Variants in ACCSL observed in about 807,000 individuals in gnomAD.
ACCSL encodes 1-aminocyclopropane-1-carboxylate synthase homolog (inactive) like.
In ACCSL, 55 loss-of-function variants were observed where a neutral mutation model predicts 61.7. The observed-to-expected ratio is 0.89, with a 90% confidence interval of 0.72 to 1.12. The LOEUF (loss-of-function observed/expected upper bound fraction) is 1.12. Among genes scored for constraint, ACCSL ranks in the 50% most tolerant of loss-of-function variants. ACCSL has a pLI of 0.00. For synonymous variants in ACCSL, 258 were observed against 264.3 expected, an observed-to-expected ratio of 0.98 and a Z score of 0.23; for missense variants, 632 against 698.0, an observed-to-expected ratio of 0.91 and a Z score of 1.07.
the ACCSL span, among the ~76,000 whole-genome samples, chr11:44,031,103 G>A: frequency 6.6e-6 from 1 of 152,154 alleles, no homozygotes; most frequent in Non-Finnish European, 1.5e-5. Flanking sequence ...AAGGCAGCCT[G>A]CTTCACCTCT....
chr11:43,966,551 G>A, the ACCSL span, among the ~76,000 whole-genome samples: 1 of 151,790 alleles, frequency 6.6e-6, no homozygotes, highest in Non-Finnish European at 1.5e-5. Flanking sequence ...TAAGAGTCTA[G>A]TATTTAGAAT....
At position 44,052,124 on chromosome 11, in the gene ACCSL, G is replaced by A. The variant is rs145138749; in HGVS notation, c.772+405G>A. 2.0e-3 allele frequency among the ~76,000 whole-genome samples: 312 copies of A among 152,278 alleles called. 3 individuals are homozygous for A. The highest frequency in any genetic ancestry group is 3.3e-3 in the African/African-American group (138 of 41,554). The stretch of plus-strand genomic sequence containing the variant: ...TGAGTGGACTGTTCTGAACCTCCCC[G>A]GTAACAATGCTTAAGCAAGAGGCTC... On this transcript the variant is annotated intron_variant, in intron 5 of 13. Coordinates refer to ENST00000378832, the MANE Select transcript of ACCSL (RefSeq NM_001031854.2).
chr11:43,973,803 G>C, the ACCSL span: 1 of 152,130 alleles, frequency 6.6e-6, no homozygotes, highest in Non-Finnish European at 1.5e-5. Flanking sequence ...CCTGAAATAG[G>C]CAATGTTACA....
chr11:43,925,017 C>A, the ACCSL span: 3 of 172,890 alleles, frequency 1.7e-5, no homozygotes, highest in Non-Finnish European at 3.8e-5. Flanking sequence ...AGCTTTCTCT[C>A]TCTTTCTCTC....
At chr11:43,991,470 C>T in the ACCSL span, among the ~76,000 whole-genome samples, 2 of 152,066 alleles carry the variant, frequency 1.3e-5, no homozygotes, top group African/African-American at 2.4e-5. Context: ...TCAGGTGTGG[C>T]ATTCAAGCTG....
chr11:44,027,932 A>G, the ACCSL span, among the ~76,000 whole-genome samples: 1 of 152,214 alleles, frequency 6.6e-6, no homozygotes, highest in Non-Finnish European at 1.5e-5. Flanking sequence ...TGGGAGGCCA[A>G]AGCAGGAGGA....
At chr11:44,051,238 G>A (rs1952636015) in intron 3 of ACCSL, 97 bp from the exon 4 acceptor site, 6 of 1,241,946 alleles carry the variant, frequency 4.8e-6, no homozygotes, top group African/African-American at 1.5e-5. Flanking sequence ...GTTGGACTGA[G>A]TAGAAAAGGT....
the ACCSL span, among the ~76,000 whole-genome samples, chr11:43,932,854 C>G: frequency 0.016 from 2,474 of 152,304 alleles, 72 homozygotes; most frequent in African/African-American, 0.057. Context: ...CGGTTCCTTC[C>G]AGGGCTCCTG....
At chr11:43,998,764 ATT>A in the ACCSL span, among the ~76,000 whole-genome samples, 12 of 141,188 alleles carry the variant, frequency 8.5e-5, no homozygotes, top group African/African-American at 2.4e-4. Flanking sequence ...GTCACATGGC[ATT>A]TTTTTTTTTT....
At chr11:43,923,355 A>G in the ACCSL span, among the ~76,000 whole-genome samples, 1 of 152,164 alleles carries the variant, frequency 6.6e-6, no homozygotes, top group Non-Finnish European at 1.5e-5. Flanking sequence ...GTAGTGTTGA[A>G]TCTTAAGTCT....
At chr11:44,043,013 G>T (rs1952582915), upstream of ACCSL, among the ~76,000 whole-genome samples, 1 of 151,898 alleles carries the variant, frequency 6.6e-6, no homozygotes, top group Non-Finnish European at 1.5e-5. Flanking sequence ...AGCCTGGGAA[G>T]TTGAAGCTGC....
chr11:43,921,578 G>A, the ACCSL span, among the ~76,000 whole-genome samples: 1 of 152,146 alleles, frequency 6.6e-6, no homozygotes, highest in Non-Finnish European at 1.5e-5. Flanking sequence ...TGATCAGTTT[G>A]ATGCATGACA....
At chr11:44,050,168 G>A in intron 2 of ACCSL, 47 bp downstream of exon 2, 1 of 1,529,820 alleles carries the variant, frequency 6.5e-7, no homozygotes, top group Non-Finnish European at 9.1e-7. Context: ...TCAAGGCTTA[G>A]TCCCCCTAGC....
chr11:43,993,819 C>T, the ACCSL span, among the ~76,000 whole-genome samples: 165 of 152,124 alleles, frequency 1.1e-3, 3 homozygotes, highest in East Asian at 0.02. Context: ...GGAACTCAGT[C>T]GGGGCATTTT....
intron 8 of ACCSL, among the ~76,000 whole-genome samples, chr11:44,054,435 TTTTC>T (rs140561731): frequency 0.1 from 14,603 of 143,264 alleles, 769 homozygotes; most frequent in Non-Finnish European, 0.11. Flanking sequence ...TAGTTTCTTT[TTTTC>T]TTTCTTTCTT....
chr11:43,942,881 G>C, the ACCSL span: 1 of 1,293,138 alleles, frequency 7.7e-7, no homozygotes, highest in Non-Finnish European at 9.8e-7. Context: ...CCCGCCGCCC[G>C]GCCCCGCAGA....
At chr11:44,017,382 T>C in the ACCSL span, among the ~76,000 whole-genome samples, 1 of 152,150 alleles carries the variant, frequency 6.6e-6, no homozygotes, top group Admixed American at 6.5e-5. Context: ...CACATTGTGA[T>C]CTCTGTGACT....
At chr11:43,943,350 C>A in the ACCSL span, 19 of 1,393,706 alleles carry the variant, frequency 1.4e-5, no homozygotes, top group Non-Finnish European at 1.8e-5. The surrounding 1 kb of genome is among the most constrained non-coding windows in gnomAD (Gnocchi z 4.8). Context: ...AGAGTGCCCG[C>A]GCCCTGCTCC....
chr11:43,961,028 G>A, the ACCSL span, among the ~76,000 whole-genome samples: 1 of 151,690 alleles, frequency 6.6e-6, no homozygotes, highest in South Asian at 2.1e-4. Context: ...GCCATGTTGG[G>A]CAGGCCAGTC....
Sources: allele counts gnomAD v4.1 joint callset (sites outside exome capture counted in the v4.1 genomes callset), GRCh38; gene constraint gnomAD v4.1.1; non-coding constraint Gnocchi (gnomAD v3.1); transcripts MANE v1.5; gene names NCBI Gene and HGNC (gene_info 2026-07-23, HGNC 2026-07-21).